ABTB3: variants seen among roughly 807,000 people sequenced by gnomAD.
ABTB3 encodes the protein ankyrin repeat- and BTB/POZ domain-containing protein 3.
the ABTB3 span, among the ~76,000 whole-genome samples, chr12:107,604,174 A>T: frequency 6.6e-6 from 1 of 151,984 alleles, no homozygotes; most frequent in Non-Finnish European, 1.5e-5. Flanking sequence ...ATCTCAAAAA[A>T]AAATGAGTGA....
the ABTB3 span, among the ~76,000 whole-genome samples, chr12:107,440,162 C>T: frequency 2.0e-5 from 3 of 152,206 alleles, no homozygotes; most frequent in Admixed American, 6.5e-5. Flanking sequence ...TTCATCACTG[C>T]GGTCAGCATC....
chr12:107,495,627 G>C, the ABTB3 span, among the ~76,000 whole-genome samples: 1 of 152,210 alleles, frequency 6.6e-6, no homozygotes, highest in Non-Finnish European at 1.5e-5. Flanking sequence ...ACACCTCTCA[G>C]GGCCTGCCCT....
chr12:107,342,672 C>T, the ABTB3 span, among the ~76,000 whole-genome samples: 1 of 152,202 alleles, frequency 6.6e-6, no homozygotes, highest in African/African-American at 2.4e-5. Context: ...GGAACCTCTG[C>T]TCCTCCTAGG....
At chr12:107,387,952 C>CTCTTCTTCT in the ABTB3 span, among the ~76,000 whole-genome samples, 2 of 130,678 alleles carry the variant, frequency 1.5e-5, no homozygotes, top group East Asian at 2.3e-4. Flanking sequence ...CTCTTTTCTC[C>CTCTTCTTCT]TCTTCTTCTT....
the ABTB3 span, among the ~76,000 whole-genome samples, chr12:107,550,494 TA>T: frequency 0.29 from 36,062 of 124,726 alleles, 4,585 homozygotes; most frequent in East Asian, 0.39. Flanking sequence ...TCTGGGAAGC[TA>T]AAAAAAAAAA....
chr12:107,605,466 T>G, the ABTB3 span, among the ~76,000 whole-genome samples: 30 of 152,286 alleles, frequency 2.0e-4, no homozygotes, highest in East Asian at 4.1e-3. Context: ...GAGAGGGAAC[T>G]GCAGGAGCTG....
At chr12:107,502,562 T>C in the ABTB3 span, among the ~76,000 whole-genome samples, 1 of 144,442 alleles carries the variant, frequency 6.9e-6, no homozygotes, top group Non-Finnish European at 1.5e-5. Flanking sequence ...TATTAAAATG[T>C]CATGAAGTGG....
chr12:107,535,459 A>C, the ABTB3 span, among the ~76,000 whole-genome samples: 1 of 152,170 alleles, frequency 6.6e-6, no homozygotes, highest in African/African-American at 2.4e-5. Context: ...ATCCACATCA[A>C]AAAACAGGAA....
chr12:107,462,539 T>C, the ABTB3 span, among the ~76,000 whole-genome samples: 1 of 152,054 alleles, frequency 6.6e-6, no homozygotes, highest in South Asian at 2.1e-4. Flanking sequence ...GCAATGATGG[T>C]GGTAGTGATG....
At chr12:107,526,825 G>A in the ABTB3 span, among the ~76,000 whole-genome samples, 6 of 152,192 alleles carry the variant, frequency 3.9e-5, no homozygotes, top group Admixed American at 6.5e-5. Flanking sequence ...CAAAAACAGC[G>A]CTTTTTGCTT....
the ABTB3 span, among the ~76,000 whole-genome samples, chr12:107,505,099 A>G: frequency 6.6e-6 from 1 of 152,188 alleles, no homozygotes; most frequent in Non-Finnish European, 1.5e-5. Context: ...GCATACTCAA[A>G]TAGTGAATCC....
the ABTB3 span, among the ~76,000 whole-genome samples, chr12:107,334,047 T>C: frequency 2.5e-4 from 38 of 152,066 alleles, no homozygotes; most frequent in Non-Finnish European, 5.4e-4. Context: ...AAGAACCCAT[T>C]GTGGTGGAGA....
At chr12:107,367,018 G>A in the ABTB3 span, among the ~76,000 whole-genome samples, 6 of 152,198 alleles carry the variant, frequency 3.9e-5, no homozygotes, top group African/African-American at 1.4e-4. Flanking sequence ...CAGTCAGCTG[G>A]AGCACAGCCC....
chr12:107,609,345 A>C, the ABTB3 span, among the ~76,000 whole-genome samples: 4 of 152,202 alleles, frequency 2.6e-5, no homozygotes, highest in African/African-American at 9.7e-5. Context: ...TGTGAGAAGG[A>C]AGTAACATCC....
chr12:107,502,035 T>C, the ABTB3 span, among the ~76,000 whole-genome samples: 46,148 of 151,362 alleles, frequency 0.3, 9,148 homozygotes, highest in African/African-American at 0.56. Flanking sequence ...AATTTTCACT[T>C]AATTGGTCTG....
the ABTB3 span, among the ~76,000 whole-genome samples, chr12:107,438,538 G>A: frequency 2.6e-5 from 4 of 152,164 alleles, no homozygotes; most frequent in East Asian, 7.7e-4. Context: ...GGAGGCGTTA[G>A]AATATTCTTT....
chr12:107,398,085 G>T, the ABTB3 span, among the ~76,000 whole-genome samples: 3 of 152,088 alleles, frequency 2.0e-5, no homozygotes, highest in Non-Finnish European at 2.9e-5. Flanking sequence ...CTGTTTTGTT[G>T]CTTTCTTAGC....
the ABTB3 span, among the ~76,000 whole-genome samples, chr12:107,390,568 A>C: frequency 1.3e-5 from 2 of 152,230 alleles, no homozygotes; most frequent in African/African-American, 4.8e-5. Context: ...AGGCAGTGTC[A>C]GTACTGGTTT....
the ABTB3 span, among the ~76,000 whole-genome samples, chr12:107,570,650 T>C: frequency 2.0e-5 from 3 of 152,244 alleles, no homozygotes; most frequent in African/African-American, 7.2e-5. Flanking sequence ...TTGATGTTTT[T>C]TTCCAAATAC....
Sources: gnomAD v4.1 joint callset for allele counts (sites outside exome capture counted in the v4.1 genomes callset) on GRCh38, gnomAD v4.1.1 for gene constraint, MANE v1.5 for transcripts, NCBI Gene and HGNC (gene_info 2026-07-23, HGNC 2026-07-21) for gene names.